Variants in SNAPC5 observed in about 807,000 individuals in gnomAD.
The protein encoded by SNAPC5 is small nuclear RNA activating complex polypeptide 5, also known as snRNA-activating protein complex subunit 5.
Under a neutral mutation model 9.1 loss-of-function variants are expected in SNAPC5, and 12 were observed. The observed-to-expected ratio is 1.32, with a 90% CI of 0.85 to 2.15. SNAPC5 has a LOEUF of 2.15. Ranked by LOEUF, SNAPC5 falls within the 30% of genes most tolerant of loss-of-function variation. The pLI is 0.00. For missense variants in SNAPC5, 132 were observed against 114.4 expected (o/e 1.15, Z -0.70); for synonymous variants, 52 against 47.3 (o/e 1.10, Z -0.41).
At chr15:66,491,912 T>C (rs780173635), downstream of SNAPC5, 6 of 451,450 alleles carry the variant, frequency 1.3e-5, no homozygotes, top group African/African-American at 2.0e-5. Context: ...TTTCTCATTT[T>C]CCATATACCA....
chr15:66,495,160 G>A, intron 2 of SNAPC5, 170 bp downstream of exon 2: 1 of 642,382 alleles, frequency 1.6e-6, no homozygotes, highest in Non-Finnish European at 2.8e-6. Flanking sequence ...CTGGTAGGAA[G>A]GTGGTTAATG....
chr15:66,497,464 G>C, intron 1 of SNAPC5, 178 bp downstream of exon 1: 4 of 648,828 alleles, frequency 6.2e-6, no homozygotes. Context: ...GAAGCGCACA[G>C]CAAACTCCCC....
At chr15:66,489,954 C>G (rs554803216), downstream of SNAPC5, 2 of 663,370 alleles carry the variant, frequency 3.0e-6, no homozygotes, top group Admixed American at 2.2e-5. Context: ...CTGGGGTGAC[C>G]CCCGCAGCCT....
intron 1 of SNAPC5, among the ~76,000 whole-genome samples, chr15:66,496,235 G>A (rs939106326): frequency 1.4e-4 from 22 of 152,166 alleles, no homozygotes; most frequent in African/African-American, 4.8e-4. Context: ...GGAGGAAGAG[G>A]CAGGTGGATC....
chr15:66,489,781 G>A (rs369137482), downstream of SNAPC5: 117 of 1,605,192 alleles, frequency 7.3e-5, no homozygotes, highest in Middle Eastern at 1.6e-4. Flanking sequence ...TATTTATTCC[G>A]GATTCTTACA....
chr15:66,494,934 G>A (rs1353871527), intron 2 of SNAPC5: 6 of 315,174 alleles, frequency 1.9e-5, no homozygotes, highest in Non-Finnish European at 3.6e-5. Context: ...TGAGTATGAT[G>A]AGAACTGGAG....
downstream of SNAPC5, chr15:66,492,013 G>A (rs1204708864): frequency 2.2e-6 from 1 of 456,730 alleles, no homozygotes; most frequent in Admixed American, 2.3e-5. Flanking sequence ...TGGTGTGGGA[G>A]CTTTCTGCAC....
chr15:66,497,501 T>C (rs767402548), intron 1 of SNAPC5, 141 bp downstream of exon 1: 9 of 767,900 alleles, frequency 1.2e-5, no homozygotes, highest in Admixed American at 1.9e-5. Context: ...TGTTTGTTTG[T>C]AAACCTCTAA....
chr15:66,494,775 TA>T, intron 2 of SNAPC5: 1 of 475,728 alleles, frequency 2.1e-6, no homozygotes, highest in Non-Finnish European at 3.7e-6. Context: ...TTACAAACAT[TA>T]TTACACAAAG....
At chr15:66,495,943 C>T (rs1325068664) in intron 1 of SNAPC5, among the ~76,000 whole-genome samples, 1 of 152,200 alleles carries the variant, frequency 6.6e-6, no homozygotes, top group Non-Finnish European at 1.5e-5. Flanking sequence ...CCTAAGGAGG[C>T]CGGGCGCGGT....
intron 1 of SNAPC5, among the ~76,000 whole-genome samples, chr15:66,497,338 G>A (rs1045326677): frequency 1.3e-5 from 2 of 152,198 alleles, no homozygotes; most frequent in Non-Finnish European, 2.9e-5. Context: ...TCAGCGTGCT[G>A]TCTGAGGGCG....
At chr15:66,496,524 CTTTTT>C (rs67040573) in intron 1 of SNAPC5, among the ~76,000 whole-genome samples, 2 of 141,218 alleles carry the variant, frequency 1.4e-5, no homozygotes, top group African/African-American at 5.2e-5. Context: ...CTCCCTGGGA[CTTTTT>C]TTTTTTTTTT....
downstream of SNAPC5, chr15:66,492,136 G>A (rs1452533813): frequency 2.2e-6 from 1 of 447,136 alleles, no homozygotes; most frequent in South Asian, 1.6e-5. Context: ...CGCTGGCTTT[G>A]TCATGCCTGT....
At chr15:66,497,575 C>T (rs1893481392) in intron 1 of SNAPC5, 67 bp downstream of exon 1, 1 of 1,427,088 alleles carries the variant, frequency 7.0e-7, no homozygotes, top group Non-Finnish European at 9.9e-7. Context: ...ACCACAGAGG[C>T]CCAGGTTGGG....
At chr15:66,492,398 T>C (rs1372171315), downstream of SNAPC5, 1 of 198,824 alleles carries the variant, frequency 5.0e-6, no homozygotes, top group Admixed American at 5.5e-5. Flanking sequence ...TTTAAAAAAA[T>C]GATCAGTGTT....
At chr15:66,490,464 C>G (rs750905886), downstream of SNAPC5, 1 of 1,463,036 alleles carries the variant, frequency 6.8e-7, no homozygotes, top group East Asian at 2.3e-5. Flanking sequence ...TTTTTTGTTT[C>G]TTTTTAACAC....
downstream of SNAPC5, among the ~76,000 whole-genome samples, chr15:66,493,022 C>T (rs1182739537): frequency 2.0e-5 from 3 of 152,064 alleles, no homozygotes; most frequent in Non-Finnish European, 4.4e-5. Flanking sequence ...CTTTTTGTTC[C>T]CAAACTGTCT....
At chr15:66,492,567 C>T (rs62011877), downstream of SNAPC5, among the ~76,000 whole-genome samples, 8,543 of 152,158 alleles carry the variant, frequency 0.056, 341 homozygotes, top group Middle Eastern at 0.11. Flanking sequence ...CAGGATACCA[C>T]CACTACTGAG....
chr15:66,494,536 T>G lies in SNAPC5; in HGVS notation c.197A>C (p.Asp66Ala). 1 of 1,613,658 alleles carries G rather than the reference T, an allele frequency of 6.2e-7. No individual in the cohort carries two copies. Among genetic ancestry groups the G allele is most frequent in the South Asian group, 1.1e-5 (1 of 91,066 alleles). Reference sequence around the variant, plus strand: ...TGTTTGGTTGATTGATGCTTCATTGTCTACATGCACCAACATCTGTATTGG... The same window carrying G: ...TGTTTGGTTGATTGATGCTTCATTGGCTACATGCACCAACATCTGTATTGG... ...EQSHDMLVHV[D>A]NEASINQTTL... Residue 66 changes from aspartate (D) to alanine (A), a missense_variant, in exon 3 of 3, where the codon GAC becomes GCC. Transcript: ENST00000316634.
Sources: gnomAD v4.1 joint callset for allele counts (sites outside exome capture counted in the v4.1 genomes callset) on GRCh38, gnomAD v4.1.1 for gene constraint, MANE v1.5 for transcripts, NCBI Gene and HGNC (gene_info 2026-07-23, HGNC 2026-07-21) for gene names.